MARK2: variants seen among roughly 807,000 people sequenced by gnomAD.
The protein encoded by MARK2 is serine/threonine-protein kinase MARK2.
In MARK2, 16 loss-of-function variants were observed where a neutral mutation model predicts 89.8. The observed-to-expected ratio is 0.18, with a 90% CI of 0.12 to 0.27. The LOEUF is 0.27. Ranked by LOEUF, MARK2 falls within the 10% of genes least tolerant of loss-of-function variation. The pLI is 1.00. For synonymous variants in MARK2, 382 were observed against 399.5 expected, an observed-to-expected ratio of 0.96 and a Z score of 0.52; for missense variants, 621 against 1,049.9, an observed-to-expected ratio of 0.59 and a Z score of 5.65.
Position 63,902,398 on chromosome 11 carries a change from A to T in MARK2, c.1234+68A>T. The T allele has an allele frequency of 6.3e-7, 1 of 1,591,954 alleles. No individual in the cohort carries two copies. Among genetic ancestry groups the T allele is most frequent in the Non-Finnish European group, 8.6e-7 (1 of 1,162,376 alleles). The stretch of plus-strand genomic sequence containing the variant: ...CAGAGAGGTTACAGGTTCTGTGGGG[A>T]CTTGGGTAACACAACTAAGTTTCAG... On this transcript the variant is annotated intron_variant, in intron 12 of 18. Transcript: ENST00000402010. The surrounding 1 kb of genome is among the most constrained non-coding windows in gnomAD (Gnocchi z 4.2).
At chr11:63,892,543 ACTC>A (rs1463934655) in intron 1 of MARK2, among the ~76,000 whole-genome samples, 2 of 151,344 alleles carry the variant, frequency 1.3e-5, no homozygotes, top group African/African-American at 4.9e-5. Flanking sequence ...TTTCACTCAC[ACTC>A]CTCTGGTCAC....
rs367933675 is a variant in MARK2, at chr11:63,895,155, G to A, written c.55-4G>A. Reference sequence around the variant, plus strand: ...GTAATGGTATCTCTGTTTCCACCCCGCAGCCCACCTTGGGACACCTTGACT... The same window carrying A: ...GTAATGGTATCTCTGTTTCCACCCCACAGCCCACCTTGGGACACCTTGACT... On this transcript the variant is annotated splice_polypyrimidine_tract_variant and splice_region_variant and intron_variant, in intron 1 of 18. Transcript: ENST00000402010. 62 of 1,610,442 alleles carry A rather than the reference G, an allele frequency of 3.8e-5. No homozygotes were observed. The Middle Eastern group carries it at 8.3e-4, about 22-fold the overall frequency.
chr11:63,902,665 A>C lies in MARK2; in HGVS notation c.1299A>C (p.Glu433Asp), dbSNP rs750008299. ...YSKKTQSNNAENKRPEEDRES... is the reference protein window; with the variant it reads ...YSKKTQSNNADNKRPEEDRES... Reference sequence around the variant, plus strand: ...AGAAGACTCAGAGTAACAACGCAGAAAATAAGCGGCCTGAGGAGGACCGGG... The same window carrying C: ...AGAAGACTCAGAGTAACAACGCAGACAATAAGCGGCCTGAGGAGGACCGGG... The change falls in exon 13 of 19, where the codon GAA becomes GAC. Residue 433 changes from glutamate (E) to aspartate (D), a missense_variant. By Grantham distance (45) the Glu-to-Asp change is conservative (BLOSUM62 2). Transcript: ENST00000402010. This position sits in a 1 kb window ranked among gnomAD's most constrained non-coding sequence, Gnocchi z 4.2. The C allele has an allele frequency of 6.2e-7, 1 of 1,614,154 alleles. No individual in the cohort carries two copies. The highest frequency in any genetic ancestry group is 1.7e-5 in the Admixed American group (1 of 60,024).
rs780026052 is a variant in MARK2, at chr11:63,909,180, C to A, written c.2310C>A (p.Gly770=). The A allele has an allele frequency of 4.3e-6, 7 of 1,611,066 alleles. No homozygotes were observed. Among genetic ancestry groups the A allele is most frequent in the Non-Finnish European group, 5.1e-6 (6 of 1,177,646 alleles). The change falls in exon 19 of 19, where the codon GGC becomes GGA. Residue 770 remains glycine (G), a synonymous_variant. Transcript: ENST00000402010. ...LNGVRFKRIS[G]TSMAFKNIAS... ...GGGTTCGATTTAAGCGGATATCGGG[C>A]ACCTCCATGGCCTTCAAAAACATTG...
At chr11:63,905,997 C>T (rs576961410) in intron 16 of MARK2, 91 bp from the exon 17 acceptor site, 81 of 1,112,558 alleles carry the variant, frequency 7.3e-5, no homozygotes, top group Non-Finnish European at 9.3e-5. Context: ...CCTGTAAAGC[C>T]ACCTCCCCCA....
intron 1 of MARK2, chr11:63,888,992 A>T: frequency 1.5e-6 from 2 of 1,339,194 alleles, no homozygotes; most frequent in Non-Finnish European, 2.0e-6. Flanking sequence ...TTACTCTAGG[A>T]TTGCCTCCTC....
chr11:63,879,692 G>A (rs1365848481), intron 1 of MARK2, among the ~76,000 whole-genome samples: 1 of 150,480 alleles, frequency 6.6e-6, no homozygotes, highest in Non-Finnish European at 1.5e-5. Flanking sequence ...TCACTTAAGT[G>A]GAGTAGCCAC....
intron 1 of MARK2, among the ~76,000 whole-genome samples, chr11:63,883,462 G>A (rs952427439): frequency 2.0e-5 from 3 of 152,146 alleles, no homozygotes; most frequent in Non-Finnish European, 4.4e-5. Flanking sequence ...AGAGCCCAGA[G>A]AACCCTTGGA....
chr11:63,879,654 A>G (rs1240392848), intron 1 of MARK2, among the ~76,000 whole-genome samples: 1 of 151,914 alleles, frequency 6.6e-6, no homozygotes, highest in Non-Finnish European at 1.5e-5. Flanking sequence ...TTGCTTCTAG[A>G]AAGATTGGCC....
chr11:63,910,255 G>C lies in MARK2; in HGVS notation c.*1018G>C, dbSNP rs1425906443. On this transcript the variant is annotated 3_prime_UTR_variant, in exon 19 of 19. Transcript: ENST00000402010. Reference sequence around the variant, plus strand: ...TTCCCCTTCATTGGCATTAATCTGGGCACCAGCTCTCTCCATAGCAGTGAC... The same window carrying C: ...TTCCCCTTCATTGGCATTAATCTGGCCACCAGCTCTCTCCATAGCAGTGAC... The C allele has an allele frequency of 6.6e-6, 1 of 152,618 alleles. No individual in the cohort carries two copies. The allele number at this position is 152,618 out of a possible 1,614,324, so 9.5% of individuals were successfully genotyped here.
chr11:63,854,488 A>G (rs993788091), intron 1 of MARK2, among the ~76,000 whole-genome samples: 1 of 146,564 alleles, frequency 6.8e-6, no homozygotes, highest in African/African-American at 2.5e-5. Flanking sequence ...CAGTGCTGGG[A>G]TTACAGGCAT....
chr11:63,853,954 C>T (rs1433376867), intron 1 of MARK2, among the ~76,000 whole-genome samples: 24 of 152,100 alleles, frequency 1.6e-4, no homozygotes, highest in Non-Finnish European at 2.8e-4. Flanking sequence ...CTCACTGCCA[C>T]CTCTGCCTCC....
intron 1 of MARK2, among the ~76,000 whole-genome samples, chr11:63,890,982 A>G (rs1446127426): frequency 1.3e-5 from 2 of 151,986 alleles, no homozygotes; most frequent in Admixed American, 6.6e-5. Flanking sequence ...TTTTTTGGGT[A>G]GTTCTCTTCC....
At chr11:63,873,138 A>G (rs1397528246) in intron 1 of MARK2, among the ~76,000 whole-genome samples, 1 of 152,076 alleles carries the variant, frequency 6.6e-6, no homozygotes, top group Admixed American at 6.5e-5. Flanking sequence ...GATGTCTGCC[A>G]GGTCTGTCCA....
At chr11:63,867,419 T>C (rs1194272614) in intron 1 of MARK2, among the ~76,000 whole-genome samples, 1 of 152,200 alleles carries the variant, frequency 6.6e-6, no homozygotes, top group Non-Finnish European at 1.5e-5. Context: ...AGGAAAAATA[T>C]ATAAGTGTGC....
chr11:63,841,262 C>T (rs1009760571), intron 1 of MARK2, among the ~76,000 whole-genome samples: 90 of 152,254 alleles, frequency 5.9e-4, no homozygotes, highest in African/African-American at 2.0e-3. Context: ...ACCCCCTGGC[C>T]CTCTGTCACC....
At chr11:63,901,244 T>C (rs1487480044) in intron 11 of MARK2, among the ~76,000 whole-genome samples, 175 bp downstream of exon 11, 1 of 152,144 alleles carries the variant, frequency 6.6e-6, no homozygotes, top group Non-Finnish European at 1.5e-5. Flanking sequence ...CTGATCTCCA[T>C]GAGTGAATTA....
chr11:63,844,100 G>A (rs1178066384), intron 1 of MARK2, among the ~76,000 whole-genome samples: 2 of 152,182 alleles, frequency 1.3e-5, no homozygotes, highest in African/African-American at 4.8e-5. Context: ...GATCAGGAAG[G>A]AAGTGTTGTT....
intron 1 of MARK2, among the ~76,000 whole-genome samples, chr11:63,875,934 T>C (rs1452865886): frequency 6.6e-6 from 1 of 152,196 alleles, no homozygotes; most frequent in Non-Finnish European, 1.5e-5. Context: ...CAGTAAGCAC[T>C]GTGTATGAGA....
Sources: gnomAD v4.1 joint callset for allele counts (sites outside exome capture counted in the v4.1 genomes callset) on GRCh38, gnomAD v4.1.1 for gene constraint, Gnocchi (gnomAD v3.1) non-coding constraint, MANE v1.5 for transcripts, NCBI Gene and HGNC (gene_info 2026-07-23, HGNC 2026-07-21) for gene names.